The following EYS variants were observed in gnomAD, a reference collection of about 807,000 sequenced individuals.
The protein encoded by EYS is protein eyes shut homolog.
Under a neutral mutation model 282.1 loss-of-function variants are expected in EYS, and 250 were observed. The observed-to-expected ratio is 0.89, with a 90% CI of 0.80 to 0.98. EYS has a LOEUF of 0.98. Ranked by LOEUF, EYS falls within the 50% of genes least tolerant of loss-of-function variation. The pLI, the probability that EYS is intolerant of heterozygous loss-of-function variation, is 0.00. For missense variants in EYS, 4,016 were observed against 3,709.0 expected, an observed-to-expected ratio of 1.08 and a Z score of -2.15; for synonymous variants, 1,355 against 1,282.9, an observed-to-expected ratio of 1.06 and a Z score of -1.20.
At chr6:65,515,340 G>T (rs1481545480) in intron 2 of EYS, among the ~76,000 whole-genome samples, 2 of 152,092 alleles carry the variant, frequency 1.3e-5, no homozygotes, top group Non-Finnish European at 2.9e-5. Context: ...TACACTGTTG[G>T]TGGGACTGTA....
intron 37 of EYS, among the ~76,000 whole-genome samples, chr6:63,804,696 C>CT (rs1770859856): frequency 6.6e-6 from 1 of 152,216 alleles, no homozygotes; most frequent in South Asian, 2.1e-4. Context: ...CCTGAAGGCC[C>CT]TTTGAGAACA....
intron 26 of EYS, among the ~76,000 whole-genome samples, chr6:64,539,056 C>T (rs1470796911): frequency 6.6e-5 from 10 of 152,110 alleles, no homozygotes; most frequent in Admixed American, 6.6e-4. Context: ...CAGTAATTGT[C>T]TTTTGTGACT....
At chr6:64,541,420 T>C (rs1012138813) in intron 26 of EYS, among the ~76,000 whole-genome samples, 4 of 152,178 alleles carry the variant, frequency 2.6e-5, no homozygotes, top group African/African-American at 7.2e-5. Flanking sequence ...TTTACCTTTT[T>C]CTCCTACTTA....
chr6:65,263,168 C>T (rs958912949), intron 12 of EYS, among the ~76,000 whole-genome samples: 6 of 151,880 alleles, frequency 4.0e-5, no homozygotes, highest in African/African-American at 1.5e-4. Context: ...TGGCAAAACC[C>T]CACCTCTATA....
chr6:64,817,802 T>A (rs1764782400), intron 21 of EYS, among the ~76,000 whole-genome samples: 1 of 152,158 alleles, frequency 6.6e-6, no homozygotes, highest in South Asian at 2.1e-4. Flanking sequence ...CACTCTGTAG[T>A]TTTCCATGGT....
intron 29 of EYS, among the ~76,000 whole-genome samples, chr6:64,309,783 G>C (rs1230005865): frequency 6.6e-6 from 1 of 151,882 alleles, no homozygotes; most frequent in Non-Finnish European, 1.5e-5. Flanking sequence ...TGGCCAACAT[G>C]GTGAAACCCT....
chr6:63,818,630 G>A (rs892848116), intron 36 of EYS, among the ~76,000 whole-genome samples: 7 of 152,090 alleles, frequency 4.6e-5, no homozygotes, highest in Admixed American at 6.5e-5. Flanking sequence ...CCAGTCTGGG[G>A]CCCTGGTTGG....
At chr6:65,174,030 A>G (rs188951636) in intron 12 of EYS, among the ~76,000 whole-genome samples, 1 of 151,346 alleles carries the variant, frequency 6.6e-6, no homozygotes, top group East Asian at 2.0e-4. Flanking sequence ...AAAATGAGAA[A>G]TAGGACACAC....
At chr6:65,684,657 G>A (rs965745742) in intron 1 of EYS, among the ~76,000 whole-genome samples, 19 of 151,966 alleles carry the variant, frequency 1.3e-4, no homozygotes, top group South Asian at 1.2e-3. Context: ...CCCATGGTAA[G>A]GTGAGGAGAG....
At chr6:64,309,278 T>C (rs1769581833) in intron 29 of EYS, among the ~76,000 whole-genome samples, 1 of 152,172 alleles carries the variant, frequency 6.6e-6, no homozygotes, top group East Asian at 1.9e-4. Context: ...AAATGGTCTA[T>C]AAAGGAAATG....
At chr6:64,235,747 A>G (rs1478282463) in intron 30 of EYS, among the ~76,000 whole-genome samples, 1 of 152,116 alleles carries the variant, frequency 6.6e-6, no homozygotes, top group Non-Finnish European at 1.5e-5. Context: ...CCTCTCCAGC[A>G]CCTGTTGTTT....
At chr6:65,540,810 C>A (rs576851680) in intron 2 of EYS, among the ~76,000 whole-genome samples, 1 of 152,146 alleles carries the variant, frequency 6.6e-6, no homozygotes, top group African/African-American at 2.4e-5. Flanking sequence ...GTGATCTCAG[C>A]TACCAGGGAG....
chr6:65,186,768 C>T (rs1765526619), intron 12 of EYS, among the ~76,000 whole-genome samples: 1 of 151,598 alleles, frequency 6.6e-6, no homozygotes, highest in Admixed American at 6.6e-5. Flanking sequence ...AAAAAGTCAC[C>T]ATAGCATCAC....
At chr6:65,391,112 AT>A (rs1184795728) in intron 7 of EYS, among the ~76,000 whole-genome samples, 1 of 152,000 alleles carries the variant, frequency 6.6e-6, no homozygotes, top group Non-Finnish European at 1.5e-5. Flanking sequence ...TGTACTTATT[AT>A]TTTTTATATG....
intron 22 of EYS, among the ~76,000 whole-genome samples, chr6:64,795,597 A>G (rs756736590): frequency 3.9e-5 from 6 of 152,150 alleles, no homozygotes; most frequent in Non-Finnish European, 8.8e-5. Context: ...ATTGGCATCA[A>G]ACTTTATGGC....
intron 2 of EYS, among the ~76,000 whole-genome samples, chr6:65,611,136 A>T (rs1765984530): frequency 1.3e-5 from 2 of 151,076 alleles, no homozygotes; most frequent in African/African-American, 2.4e-5. Flanking sequence ...TTTCTCTTTT[A>T]TTTTTTGAAT....
chr6:65,521,205 C>T (rs1450596609), intron 2 of EYS, among the ~76,000 whole-genome samples: 1 of 152,106 alleles, frequency 6.6e-6, no homozygotes. Context: ...TAGAGAATGA[C>T]CATCTGCTCA....
At chr6:65,316,790 C>T (rs1769306071) in intron 11 of EYS, among the ~76,000 whole-genome samples, 1 of 152,138 alleles carries the variant, frequency 6.6e-6, no homozygotes, top group South Asian at 2.1e-4. Flanking sequence ...TCATCCACGT[C>T]CCTGCAAAGG....
chr6:64,014,782 T>TA (rs1768809339), intron 33 of EYS, among the ~76,000 whole-genome samples: 1 of 53,700 alleles, frequency 1.9e-5, no homozygotes, highest in Non-Finnish European at 3.5e-5. Context: ...TTTTTTTATT[T>TA]TTTTTTTTTT....
Sources: gnomAD v4.1 joint callset for allele counts (sites outside exome capture counted in the v4.1 genomes callset) on GRCh38, gnomAD v4.1.1 for gene constraint, MANE v1.5 for transcripts, NCBI Gene and HGNC (gene_info 2026-07-23, HGNC 2026-07-21) for gene names.